The following USH2A variants were observed in gnomAD, a reference collection of about 807,000 sequenced individuals.
USH2A encodes the protein usherin.
Under a neutral mutation model 538.9 loss-of-function variants are expected in USH2A, and 443 were observed. That is an observed-to-expected ratio of 0.82 (90% CI 0.76 to 0.89). The LOEUF is 0.89. Among genes scored for constraint, USH2A ranks in the 40% least tolerant of loss-of-function variants. The probability of loss-of-function intolerance (pLI) is 0.00; values close to 1 mark genes in which losing one functional copy is unlikely to be tolerated. For synonymous variants in USH2A, 2,413 were observed against 2,273.5 expected (o/e 1.06, Z -1.75); for missense variants, 6,633 against 6,324.8 (o/e 1.05, Z -1.65).
intron 21 of USH2A, among the ~76,000 whole-genome samples, chr1:216,126,199 C>T (rs1454504415): frequency 1.4e-5 from 2 of 146,560 alleles, no homozygotes; most frequent in African/African-American, 4.9e-5. Context: ...CAATTAACAG[C>T]CGTTGCTTTT....
At chr1:215,892,262 G>A (rs1374135942) in intron 40 of USH2A, among the ~76,000 whole-genome samples, 1 of 152,016 alleles carries the variant, frequency 6.6e-6, no homozygotes, top group African/African-American at 2.4e-5. Flanking sequence ...TTTGCTATTC[G>A]AGTTACCCAT....
intron 37 of USH2A, among the ~76,000 whole-genome samples, chr1:215,943,085 G>T (rs970651745): frequency 2.6e-5 from 4 of 152,266 alleles, no homozygotes; most frequent in South Asian, 4.1e-4. Context: ...CACCAGAAAG[G>T]AAAGGAAGTA....
intron 54 of USH2A, among the ~76,000 whole-genome samples, chr1:215,781,439 G>A (rs1253957837): frequency 6.6e-6 from 1 of 152,042 alleles, no homozygotes; most frequent in Non-Finnish European, 1.5e-5. Flanking sequence ...GCAGATATTT[G>A]ACAATATCCG....
At chr1:216,173,730 G>A (rs970983488) in intron 21 of USH2A, among the ~76,000 whole-genome samples, 28 of 152,076 alleles carry the variant, frequency 1.8e-4, no homozygotes, top group African/African-American at 6.8e-4. Flanking sequence ...ACAACAGTAG[G>A]TGATCCCATC....
At chr1:216,178,380 T>C (rs1331132268) in intron 20 of USH2A, among the ~76,000 whole-genome samples, 1 of 152,158 alleles carries the variant, frequency 6.6e-6, no homozygotes, top group Non-Finnish European at 1.5e-5. Flanking sequence ...ATGATCTCAC[T>C]TCAAAATAAT....
intron 68 of USH2A, among the ~76,000 whole-genome samples, chr1:215,639,906 A>G (rs1656618939): frequency 6.6e-6 from 1 of 152,220 alleles, no homozygotes; most frequent in Non-Finnish European, 1.5e-5. Flanking sequence ...GCCAAAATAA[A>G]ATACTCATTA....
intron 69 of USH2A, among the ~76,000 whole-genome samples, chr1:215,635,387 C>T (rs1057312259): frequency 3.3e-5 from 5 of 152,088 alleles, no homozygotes; most frequent in African/African-American, 7.2e-5. Flanking sequence ...CTTTGCTTGG[C>T]GTTCACACAT....
chr1:216,385,273 A>C (rs2038987083), intron 3 of USH2A, among the ~76,000 whole-genome samples: 1 of 152,212 alleles, frequency 6.6e-6, no homozygotes, highest in Admixed American at 6.5e-5. Flanking sequence ...TGGAAGGGCC[A>C]GGAAAGGGGT....
chr1:216,076,590 C>G (rs1318179855), intron 27 of USH2A, among the ~76,000 whole-genome samples: 2 of 151,906 alleles, frequency 1.3e-5, no homozygotes, highest in Admixed American at 6.6e-5. Context: ...CAAGTTCTTT[C>G]TAACCTCAGA....
At position 215,845,821 on chromosome 1, in the gene USH2A, C is replaced by G. The variant is rs770595289; in HGVS notation, c.9055+3G>C. On this transcript the variant is annotated splice_donor_region_variant and intron_variant, in intron 45 of 71. Coordinates refer to ENST00000307340, the MANE Select transcript of USH2A (RefSeq NM_206933.4). ...GCAAATATCCTTTAGAATCTGGACT[C>G]ACCCCCATCGCAAGTGGTTGCATGA... 3.7e-6 allele frequency: 6 copies of G among 1,613,220 alleles called. No individual in the cohort carries two copies. The highest frequency in any genetic ancestry group is 1.7e-4 in the Middle Eastern group (1 of 5,830).
intron 40 of USH2A, among the ~76,000 whole-genome samples, chr1:215,890,693 T>C (rs1665185930): frequency 6.6e-6 from 1 of 152,220 alleles, no homozygotes; most frequent in Non-Finnish European, 1.5e-5. Flanking sequence ...TGGTATACAG[T>C]AGCAGTAGCA....
chr1:215,769,588 G>A (rs530124816), intron 55 of USH2A, among the ~76,000 whole-genome samples: 1 of 152,272 alleles, frequency 6.6e-6, no homozygotes, highest in Admixed American at 6.5e-5. Flanking sequence ...ATTTTTGATA[G>A]AGGGAGGAAA....
rs758733024 is a variant in USH2A, at chr1:216,198,586, T to C, written c.3812-2A>G. 3.7e-6 allele frequency: 6 copies of C among 1,611,514 alleles called. No homozygotes were observed. The highest frequency in any genetic ancestry group is 1.1e-5 in the South Asian group (1 of 91,034). On this transcript the variant is annotated splice_acceptor_variant, in intron 17 of 71. Coordinates refer to ENST00000307340, the MANE Select transcript of USH2A (RefSeq NM_206933.4). LOFTEE classifies it high-confidence loss of function. ...ATAGTTCATATCTTATAATTATTCC[T>C]AGAGAAATTAAATAGTGAACCTACG...
intron 11 of USH2A, among the ~76,000 whole-genome samples, chr1:216,285,515 C>A (rs2036864238): frequency 6.6e-6 from 1 of 152,196 alleles, no homozygotes; most frequent in South Asian, 2.1e-4. Flanking sequence ...AGTACCTCTG[C>A]TAAGGTAGTG....
intron 64 of USH2A, among the ~76,000 whole-genome samples, chr1:215,654,795 TCTAA>T (rs1393507093): frequency 6.6e-6 from 1 of 152,208 alleles, no homozygotes; most frequent in African/African-American, 2.4e-5. Context: ...TATTTTTAAA[TCTAA>T]CTAGAGACTA....
At chr1:215,639,763 T>C (rs61502956) in intron 68 of USH2A, among the ~76,000 whole-genome samples, 4,994 of 152,282 alleles carry the variant, frequency 0.033, 191 homozygotes, top group African/African-American at 0.093. Context: ...GCCACCTTCC[T>C]TTCCCAAAGA....
At chr1:216,201,184 C>T (rs781184974) in intron 16 of USH2A, among the ~76,000 whole-genome samples, 28 of 151,592 alleles carry the variant, frequency 1.8e-4, no homozygotes, top group Non-Finnish European at 3.4e-4. Context: ...ATCTGTATTG[C>T]TCTCCCCCAG....
chr1:215,711,774 T>G (rs1014175196), intron 61 of USH2A, among the ~76,000 whole-genome samples: 2 of 152,202 alleles, frequency 1.3e-5, no homozygotes, highest in Admixed American at 1.3e-4. Context: ...GTCTGCACAC[T>G]GTAATGTGCT....
At chr1:215,921,993 A>C (rs951388774) in intron 38 of USH2A, among the ~76,000 whole-genome samples, 2 of 152,156 alleles carry the variant, frequency 1.3e-5, no homozygotes, top group Admixed American at 1.3e-4. Context: ...ATGTCAACCT[A>C]CTCTGGAGTT....
Sources: gnomAD v4.1 joint callset for allele counts (sites outside exome capture counted in the v4.1 genomes callset) on GRCh38, gnomAD v4.1.1 for gene constraint, MANE v1.5 for transcripts, NCBI Gene and HGNC (gene_info 2026-07-23, HGNC 2026-07-21) for gene names.